Variants in PRDM16 observed in about 807,000 individuals in gnomAD.
The protein encoded by PRDM16 is PR/SET domain 16.
PRDM16 carries 23 observed loss-of-function variants against 110.6 expected under a neutral mutation model. The ratio of observed to expected loss-of-function variants is 0.21; its 90% confidence interval spans 0.15 to 0.29. The LOEUF (loss-of-function observed/expected upper bound fraction) is 0.29. Ranked by LOEUF, PRDM16 falls within the 10% of genes least tolerant of loss-of-function variation. The pLI, the probability that PRDM16 is intolerant of heterozygous loss-of-function variation, is 1.00. For synonymous variants in PRDM16, 799 were observed against 781.8 expected (o/e 1.02, Z -0.37); for missense variants, 1,615 against 1,794.3 (o/e 0.90, Z 1.81).
At chr1:3,130,647 C>T (rs1643313620) in intron 1 of PRDM16, among the ~76,000 whole-genome samples, 2 of 152,102 alleles carry the variant, frequency 1.3e-5, no homozygotes, top group Admixed American at 6.5e-5. Flanking sequence ...TGTAACTCGC[C>T]GCCTTCTCTT....
In PRDM16 at chr1:3,385,184, C is replaced by T. The variant is rs201912658; in HGVS notation, c.471C>T (p.Cys157=). The part of the protein sequence containing the change: ...ISEDLGSEKF[C]VDANQAGAGS... ...AAGACCTGGGCAGTGAGAAGTTCTG[C>T]GTGGATGCAAATCAGGCGGGGGCTG... Residue 157 remains cysteine, a synonymous_variant, in exon 4 of 17, where the codon TGC becomes TGT. Transcript: ENST00000270722. 2.7e-4 allele frequency: 436 copies of T among 1,613,686 alleles called. No homozygotes were observed. Among genetic ancestry groups the T allele is most frequent in the East Asian group, 1.3e-3 (59 of 44,878 alleles).
At position 3,206,002 on chromosome 1, in the gene PRDM16, G is replaced by A. The variant is rs78423056; in HGVS notation, c.387+19528G>A. ...AGGGAGTTGCAGAAAACAGCAGCGC[G>A]CCCCAGCGCTGCCCTCCCAGCTGTG... On this transcript the variant is annotated intron_variant, in intron 2 of 16. Coordinates refer to ENST00000270722, the MANE Select transcript of PRDM16 (RefSeq NM_022114.4). The surrounding 1 kb of genome is among the most constrained non-coding windows in gnomAD (Gnocchi z 4.9). 1,951 of 152,398 alleles carry A rather than the reference G, an allele frequency of 0.013. 60 individuals are homozygous for A. Among genetic ancestry groups the A allele is most frequent in the East Asian group, 0.084 (433 of 5,172 alleles). 9.4% of individuals were successfully genotyped at this position (152,398 alleles called of 1,614,324 possible).
rs74050336 is a variant in PRDM16, at chr1:3,364,939, T to C, written c.439-20213T>C. ...CTGCCAGGGCTGTGTGTGTACGCCG[T>C]CCCTCATTCCCTCGTGCAGCCTGGG... On this transcript the variant is annotated intron_variant, in intron 3 of 16. Coordinates refer to ENST00000270722, the MANE Select transcript of PRDM16 (RefSeq NM_022114.4). Among the ~76,000 whole-genome samples, 860 of 152,174 alleles carry C rather than the reference T, an allele frequency of 5.7e-3. 9 individuals are homozygous for C. The highest frequency in any genetic ancestry group is 0.019 in the African/African-American group (801 of 41,516).
chr1:3,205,447 A>T (rs1472707168), intron 2 of PRDM16, among the ~76,000 whole-genome samples: 1 of 152,156 alleles, frequency 6.6e-6, no homozygotes, highest in Non-Finnish European at 1.5e-5. Flanking sequence ...AAAAAATGTT[A>T]TTGGAAGGAG....
chr1:3,188,640 A>G (rs1427748679), intron 2 of PRDM16, among the ~76,000 whole-genome samples: 2 of 151,990 alleles, frequency 1.3e-5, no homozygotes, highest in African/African-American at 4.8e-5. Flanking sequence ...CTCCCCGCGC[A>G]CCCGGCAGGA....
At chr1:3,351,879 G>A (rs1036324323) in intron 3 of PRDM16, among the ~76,000 whole-genome samples, 4 of 150,930 alleles carry the variant, frequency 2.7e-5, no homozygotes, top group African/African-American at 7.3e-5. Context: ...CTCTGTGTCT[G>A]TGACTTGGTA....
intron 2 of PRDM16, among the ~76,000 whole-genome samples, chr1:3,220,384 C>A (rs1246986580): frequency 6.6e-6 from 1 of 152,220 alleles, no homozygotes; most frequent in African/African-American, 2.4e-5. Context: ...GAGCTACCTG[C>A]AGCCCTCCCC....
rs1216941292 is a variant in PRDM16 at position 3,190,501 on chromosome 1, C to G, written c.387+4027C>G. Among the ~76,000 whole-genome samples, 3 of 152,272 alleles carry G rather than the reference C, an allele frequency of 2.0e-5. No homozygotes were observed. The highest frequency in any genetic ancestry group is 3.4e-3 in the Middle Eastern group (1 of 294). ...AAACCCGCTTTGTTCCTGGGTGCTG[C>G]GAGGCATCCTGAGCTGTGCCCTGAG... On this transcript the variant is annotated intron_variant, in intron 2 of 16. Coordinates refer to ENST00000270722, the MANE Select transcript of PRDM16 (RefSeq NM_022114.4). The surrounding 1 kb of genome is among the most constrained non-coding windows in gnomAD (Gnocchi z 5.0).
intron 1 of PRDM16, among the ~76,000 whole-genome samples, chr1:3,135,277 G>A (rs955479844): frequency 2.0e-5 from 3 of 152,312 alleles, no homozygotes; most frequent in Admixed American, 6.5e-5. Flanking sequence ...GCAGGGTAGG[G>A]GGCCTCAGGG....
intron 3 of PRDM16, among the ~76,000 whole-genome samples, chr1:3,315,753 T>A (rs1316471701): frequency 6.6e-6 from 1 of 152,152 alleles, no homozygotes; most frequent in African/African-American, 2.4e-5. Context: ...ATTTAGAGCA[T>A]CCCCGGCGAC....
At chr1:3,231,242 C>A (rs885425) in intron 2 of PRDM16, among the ~76,000 whole-genome samples, 109 of 152,344 alleles carry the variant, frequency 7.2e-4, no homozygotes, top group African/African-American at 2.5e-3. Flanking sequence ...TTAATCGCCA[C>A]AAGAGGCTTT....
chr1:3,386,457 T>C (rs1209116781), intron 4 of PRDM16, among the ~76,000 whole-genome samples: 1 of 152,216 alleles, frequency 6.6e-6, no homozygotes. Context: ...TCCCCTTGGC[T>C]GTGGAGCAGA....
At chr1:3,417,703 C>A in intron 10 of PRDM16, 125 bp from the exon 11 acceptor site, 1 of 807,250 alleles carries the variant, frequency 1.2e-6, no homozygotes, top group Non-Finnish European at 2.1e-6. Flanking sequence ...ACTAGGAGAC[C>A]ATTGCTTCCA....
chr1:3,433,017 G>T (rs759123028), intron 16 of PRDM16, among the ~76,000 whole-genome samples: 9 of 152,238 alleles, frequency 5.9e-5, no homozygotes, highest in Non-Finnish European at 1.0e-4. Context: ...CACCAAAACA[G>T]ACATCCCCTG....
At chr1:3,385,581 G>A (rs1039062593) in intron 4 of PRDM16, among the ~76,000 whole-genome samples, 8 of 152,210 alleles carry the variant, frequency 5.3e-5, no homozygotes, top group African/African-American at 1.9e-4. Context: ...AAGCAGGCAG[G>A]ACCGCGGATC....
chr1:3,161,310 G>T (rs1643895025), intron 1 of PRDM16, among the ~76,000 whole-genome samples: 1 of 152,210 alleles, frequency 6.6e-6, no homozygotes, highest in Middle Eastern at 3.2e-3. Flanking sequence ...TGGAAACTTG[G>T]CCCCAGAGCC....
chr1:3,072,356 A>C (rs1641784881), intron 1 of PRDM16, among the ~76,000 whole-genome samples: 1 of 152,176 alleles, frequency 6.6e-6, no homozygotes, highest in East Asian at 1.9e-4. Flanking sequence ...CGGCACCCCC[A>C]TCAGAGCTGC....
rs1327213451 is a variant in PRDM16, at chr1:3,290,679, A to C, written c.438+46542A>C. On this transcript the variant is annotated intron_variant, in intron 3 of 16. Coordinates refer to ENST00000270722, the MANE Select transcript of PRDM16 (RefSeq NM_022114.4). The surrounding 1 kb of genome is among the most constrained non-coding windows in gnomAD (Gnocchi z 4.8). ...TGGCTGAAGGAGCACTGTCCCCACA[A>C]CCCAGGGAAACAACAGGGCTCCAGG... Among the ~76,000 whole-genome samples, 3 of 152,056 alleles carry C rather than the reference A, an allele frequency of 2.0e-5. No individual in the cohort carries two copies. The highest frequency in any genetic ancestry group is 4.4e-5 in the Non-Finnish European group (3 of 68,028).
At chr1:3,104,869 T>C (rs1389886835) in intron 1 of PRDM16, among the ~76,000 whole-genome samples, 1 of 152,184 alleles carries the variant, frequency 6.6e-6, no homozygotes, top group Non-Finnish European at 1.5e-5. Context: ...GGCCACTTCA[T>C]GAACGCTCAC....
Sources: allele counts gnomAD v4.1 joint callset (sites outside exome capture counted in the v4.1 genomes callset), GRCh38; gene constraint gnomAD v4.1.1; non-coding constraint Gnocchi (gnomAD v3.1); transcripts MANE v1.5; gene names NCBI Gene and HGNC (gene_info 2026-07-23, HGNC 2026-07-21).